HAVCR1: variants seen among roughly 807,000 people sequenced by gnomAD.
HAVCR1 encodes hepatitis A virus cellular receptor 1.
HAVCR1 carries 34 observed loss-of-function variants against 32.0 expected under a neutral mutation model. That is an observed-to-expected ratio of 1.06 (90% CI 0.81 to 1.42). The LOEUF is 1.42. HAVCR1 is among the 40% of genes most tolerant of loss of function. HAVCR1 has a pLI of 0.00. For synonymous variants in HAVCR1, 178 were observed against 170.3 expected (o/e 1.05, Z -0.35); for missense variants, 420 against 442.3 (o/e 0.95, Z 0.45).
At chr5:157,047,185 T>C (rs1265708987) in intron 5 of HAVCR1, among the ~76,000 whole-genome samples, 1 of 152,110 alleles carries the variant, frequency 6.6e-6, no homozygotes, top group African/African-American at 2.4e-5. Context: ...TTGTGGGTCA[T>C]AAGACACTTC....
chr5:157,057,683 C>T (rs754063007), intron 2 of HAVCR1, among the ~76,000 whole-genome samples: 2 of 152,158 alleles, frequency 1.3e-5, no homozygotes, highest in Non-Finnish European at 2.9e-5. Context: ...GTTCATTTAG[C>T]CATGAATGTT....
chr5:157,058,227 A>C (rs1438764267), intron 1 of HAVCR1: 3 of 376,952 alleles, frequency 8.0e-6, no homozygotes, highest in Middle Eastern at 7.8e-4. Flanking sequence ...ATAACCGCCA[A>C]ACTGACTCCT....
chr5:157,053,077 T>C (rs1212220370), intron 3 of HAVCR1, among the ~76,000 whole-genome samples: 2 of 152,080 alleles, frequency 1.3e-5, no homozygotes, highest in African/African-American at 4.8e-5. Flanking sequence ...CACACCCGGC[T>C]AATTTTTAAA....
chr5:157,032,523 A>C (rs1486578147), intron 8 of HAVCR1, among the ~76,000 whole-genome samples: 6 of 152,188 alleles, frequency 3.9e-5, no homozygotes, highest in Non-Finnish European at 8.8e-5. Context: ...AGTCTCAAAA[A>C]AGACAAAGCG....
At chr5:157,059,650 G>A (rs1358581133), upstream of HAVCR1, among the ~76,000 whole-genome samples, 1 of 151,990 alleles carries the variant, frequency 6.6e-6, no homozygotes, top group Non-Finnish European at 1.5e-5. Flanking sequence ...ACTCTAGCCT[G>A]GACAACAAGA....
At chr5:157,050,429 A>G (rs1047146607) in intron 4 of HAVCR1, among the ~76,000 whole-genome samples, 1 of 152,214 alleles carries the variant, frequency 6.6e-6, no homozygotes, top group Admixed American at 6.5e-5. Context: ...GGCACTGAGC[A>G]GGGAAGATTG....
chr5:157,032,809 G>C, intron 8 of HAVCR1, 45 bp downstream of exon 8: 4 of 1,158,930 alleles, frequency 3.5e-6, no homozygotes, highest in Middle Eastern at 1.9e-4. Flanking sequence ...TATTTTACCA[G>C]AGTAGGAACC....
intron 8 of HAVCR1, among the ~76,000 whole-genome samples, chr5:157,032,327 T>C (rs1055370887): frequency 6.6e-6 from 1 of 152,126 alleles, no homozygotes; most frequent in African/African-American, 2.4e-5. Context: ...GAAACCAGCC[T>C]AACCAACATG....
chr5:157,046,291 A>T (rs1755394180), intron 5 of HAVCR1, among the ~76,000 whole-genome samples: 1 of 152,240 alleles, frequency 6.6e-6, no homozygotes, highest in South Asian at 2.1e-4. Context: ...ACACAAGGAC[A>T]CAGAGCCAGC....
At chr5:157,052,962 C>T (rs1393544445) in intron 3 of HAVCR1, among the ~76,000 whole-genome samples, 1 of 152,152 alleles carries the variant, frequency 6.6e-6, no homozygotes, top group Non-Finnish European at 1.5e-5. Flanking sequence ...TCATCCAGGC[C>T]GGACTGCAGT....
rs1247780811 is a variant in HAVCR1, at chr5:157,037,274, C to G, written c.925G>C (p.Ala309Pro). ...GVCISVLVLL[A>P]LLGVIIAKKY... ...TTGGCAATGATGACACCCAAAAGAG[C>G]AAGAAGCACCAAGACAGAAATACAG... is the stretch of plus-strand genomic sequence containing the variant. Residue 309 changes from alanine (A) to proline (P), a missense_variant, in exon 7 of 9, where the codon GCT (alanine) becomes CCT (proline). Physicochemically the swap from Ala to Pro is conservative, Grantham distance 27. Coordinates refer to ENST00000523175, the MANE Select transcript of HAVCR1 (RefSeq NM_001173393.3). 2 of 1,598,562 alleles carry G rather than the reference C, an allele frequency of 1.3e-6. No homozygotes were observed. Among genetic ancestry groups the G allele is most frequent in the Non-Finnish European group, 1.7e-6 (2 of 1,165,994 alleles).
At chr5:157,036,091 C>A (rs1754511993) in intron 7 of HAVCR1, among the ~76,000 whole-genome samples, 1 of 152,130 alleles carries the variant, frequency 6.6e-6, no homozygotes. Flanking sequence ...GCCTGTAATC[C>A]TAGAACTTTG....
rs372134091 is a variant in HAVCR1, at chr5:157,055,454, G to C, written c.126C>G (p.Val42=). 3.1e-6 allele frequency: 5 copies of C among 1,610,742 alleles called. No homozygotes were observed. The highest frequency in any genetic ancestry group is 2.5e-6 in the Non-Finnish European group (3 of 1,177,122). The change falls in exon 3 of 9, where the codon GTC becomes GTG. Residue 42 remains valine (V), a synonymous_variant. Transcript: ENST00000523175. ...VTLPCHYSGA[V]TSMCWNRGSC... The stretch of plus-strand genomic sequence containing the variant: ...AGCCTCTATTCCAGCACATGGATGT[G>C]ACAGCTCCACTGTAGTGGCAGGGTA...
intron 8 of HAVCR1, among the ~76,000 whole-genome samples, chr5:157,031,317 C>T (rs951856744): frequency 1.3e-5 from 2 of 152,132 alleles, no homozygotes; most frequent in African/African-American, 4.8e-5. Context: ...TCAGGAAAGT[C>T]TGTGTACAAG....
intron 7 of HAVCR1, among the ~76,000 whole-genome samples, chr5:157,035,498 T>G (rs1216870665): frequency 6.6e-6 from 1 of 152,172 alleles, no homozygotes; most frequent in Non-Finnish European, 1.5e-5. Context: ...CTGGGGTGGT[T>G]GCTTTTTGAA....
upstream of HAVCR1, among the ~76,000 whole-genome samples, chr5:157,059,475 G>A (rs1479664864): frequency 6.6e-5 from 10 of 152,024 alleles, no homozygotes; most frequent in Non-Finnish European, 5.9e-5. Flanking sequence ...GGGAGTTCAA[G>A]ACCAGCCTGG....
chr5:157,041,948 A>G (rs1287170978), intron 6 of HAVCR1, among the ~76,000 whole-genome samples: 1 of 151,642 alleles, frequency 6.6e-6, no homozygotes, highest in Admixed American at 6.6e-5. Context: ...AGTCCCAACT[A>G]CTCTGGAGGC....
intron 6 of HAVCR1, among the ~76,000 whole-genome samples, chr5:157,041,964 C>T (rs1469043900): frequency 6.6e-6 from 1 of 151,994 alleles, no homozygotes; most frequent in Non-Finnish European, 1.5e-5. Context: ...GAGGCCGAGG[C>T]AGGAGAATTG....
intron 3 of HAVCR1, among the ~76,000 whole-genome samples, chr5:157,053,196 C>T (rs80028113): frequency 0.12 from 9,895 of 81,968 alleles, 436 homozygotes; most frequent in Admixed American, 0.16. Context: ...GAGTTCCAGA[C>T]CAGCCTGGGC....
Sources: allele counts gnomAD v4.1 joint callset (sites outside exome capture counted in the v4.1 genomes callset), GRCh38; gene constraint gnomAD v4.1.1; transcripts MANE v1.5; gene names NCBI Gene and HGNC (gene_info 2026-07-23, HGNC 2026-07-21).